CNTN5: variants seen among roughly 807,000 people sequenced by gnomAD.
CNTN5 encodes the protein contactin 5.
CNTN5 carries 77 observed loss-of-function variants against 129.1 expected under a neutral mutation model. That is an observed-to-expected ratio of 0.60 (90% CI 0.50 to 0.72). The LOEUF (loss-of-function observed/expected upper bound fraction) is 0.72, where lower values mean the gene tolerates loss of function less well. Among genes scored for constraint, CNTN5 ranks in the 30% least tolerant of loss-of-function variants. CNTN5 has a pLI of 0.00. For missense variants in CNTN5, 1,478 were observed against 1,328.8 expected (o/e 1.11, Z -1.75); for synonymous variants, 509 against 465.6 (o/e 1.09, Z -1.20).
chr11:100,336,835 TC>T, intron 21 of CNTN5: 1 of 441,090 alleles, frequency 2.3e-6, no homozygotes, highest in Non-Finnish European at 4.2e-6. Context: ...CCCGGCCTCT[TC>T]CCCAGAGAAT....
At chr11:99,531,753 C>A (rs1591230176) in intron 2 of CNTN5, among the ~76,000 whole-genome samples, 1 of 152,290 alleles carries the variant, frequency 6.6e-6, no homozygotes, top group South Asian at 2.1e-4. Flanking sequence ...GCAGTTTCCA[C>A]GTGGCATTGA....
chr11:100,234,390 A>C (rs2138659359), intron 16 of CNTN5, among the ~76,000 whole-genome samples: 1 of 152,326 alleles, frequency 6.6e-6, no homozygotes, highest in South Asian at 2.1e-4. Flanking sequence ...ACTTGGAACC[A>C]ACCCAAATGC....
At chr11:99,687,156 T>C (rs995609966) in intron 3 of CNTN5, among the ~76,000 whole-genome samples, 4 of 133,552 alleles carry the variant, frequency 3.0e-5, no homozygotes, top group African/African-American at 1.0e-4. Context: ...AATTCTTCAA[T>C]TGTTGTTTTG....
At chr11:100,038,900 G>A (rs1942202650) in intron 9 of CNTN5, among the ~76,000 whole-genome samples, 2 of 152,152 alleles carry the variant, frequency 1.3e-5, no homozygotes, top group Non-Finnish European at 2.9e-5. Context: ...ACAGCACACT[G>A]ATGGGTCTTG....
At chr11:100,289,870 C>T (rs1352704813) in intron 18 of CNTN5, among the ~76,000 whole-genome samples, 4 of 150,334 alleles carry the variant, frequency 2.7e-5, no homozygotes, top group Non-Finnish European at 5.9e-5. Context: ...CCCATTGTCT[C>T]AGCCCAAAAT....
chr11:99,282,054 G>T (rs1863722691), intron 1 of CNTN5, among the ~76,000 whole-genome samples: 1 of 151,918 alleles, frequency 6.6e-6, no homozygotes, highest in Non-Finnish European at 1.5e-5. Context: ...AACTACACAA[G>T]AATGATTCTG....
chr11:100,298,447 T>C (rs11223566), intron 19 of CNTN5, among the ~76,000 whole-genome samples: 130,160 of 151,090 alleles, frequency 0.86, 56,530 homozygotes, highest in East Asian at 1. Context: ...CGGGCTTTGT[T>C]TCTTTGCCAC....
In CNTN5 at chr11:99,356,188, A is replaced by ACCCC. The variant is rs11304657; in HGVS notation, c.-71+30710_-71+30713dup. ...TTACACTATATATAATGCCTTAACCACCCCCCCCCAACCAAGTTTTAGTGT... is the reference window on the plus strand; with the variant it reads ...TTACACTATATATAATGCCTTAACCACCCCCCCCCCCCCAACCAAGTTTTAGTGT... On this transcript the variant is annotated intron_variant, in intron 2 of 24. Transcript: ENST00000524871. Among the ~76,000 whole-genome samples, 15 of 146,820 alleles carry ACCCC rather than the reference A, an allele frequency of 1.0e-4. No individual in the cohort carries two copies. The South Asian group carries it at 3.0e-3, about 29-fold the overall frequency.
chr11:99,096,626 T>C (rs1481638977), intron 1 of CNTN5, among the ~76,000 whole-genome samples: 1 of 151,884 alleles, frequency 6.6e-6, no homozygotes, highest in Non-Finnish European at 1.5e-5. Flanking sequence ...TTCCAAGGTT[T>C]CAAGTCTGAC....
chr11:100,132,031 AGAG>A (rs1235335547), intron 13 of CNTN5, among the ~76,000 whole-genome samples: 2 of 152,094 alleles, frequency 1.3e-5, no homozygotes, highest in Non-Finnish European at 2.9e-5. Context: ...TTCATTTCCA[AGAG>A]GAGGCCTTGG....
intron 18 of CNTN5, among the ~76,000 whole-genome samples, chr11:100,288,282 C>T (rs1950850614): frequency 7.5e-6 from 1 of 132,658 alleles, no homozygotes; most frequent in Non-Finnish European, 1.6e-5. Flanking sequence ...CAGAACTCTC[C>T]ACCCCAAATC....
chr11:99,538,943 A>G (rs923517418), intron 2 of CNTN5, among the ~76,000 whole-genome samples: 3 of 152,120 alleles, frequency 2.0e-5, no homozygotes, highest in Admixed American at 6.6e-5. Context: ...ACTTGAAGAA[A>G]TATACTGTTT....
At chr11:100,195,066 C>T (rs1948601270) in intron 15 of CNTN5, among the ~76,000 whole-genome samples, 1 of 150,766 alleles carries the variant, frequency 6.6e-6, no homozygotes, top group Non-Finnish European at 1.5e-5. Flanking sequence ...TTTCCTTCTT[C>T]CTTTACCTTG....
At chr11:100,013,937 T>G (rs1046295030) in intron 9 of CNTN5, among the ~76,000 whole-genome samples, 1 of 152,218 alleles carries the variant, frequency 6.6e-6, no homozygotes, top group Admixed American at 6.5e-5. Flanking sequence ...TGAATCACTG[T>G]ACTTTGAACT....
intron 15 of CNTN5, among the ~76,000 whole-genome samples, chr11:100,212,991 A>G (rs1034810564): frequency 6.6e-6 from 1 of 152,150 alleles, no homozygotes; most frequent in African/African-American, 2.4e-5. Context: ...AAAAAATTCA[A>G]GTCAGAATTA....
At chr11:99,583,244 G>C (rs1020578534) in intron 3 of CNTN5, among the ~76,000 whole-genome samples, 14 of 152,326 alleles carry the variant, frequency 9.2e-5, no homozygotes, top group African/African-American at 3.1e-4. Flanking sequence ...AATTGGGGGT[G>C]CCTCCCAGTT....
At position 99,381,522 on chromosome 11, in the gene CNTN5, C is replaced by T. The variant is rs144121171; in HGVS notation, c.-71+56038C>T. Among the ~76,000 whole-genome samples, 314 of 152,284 alleles carry T rather than the reference C, an allele frequency of 2.1e-3. 4 individuals are homozygous for T. The highest frequency in any genetic ancestry group is 7.2e-3 in the African/African-American group (301 of 41,566). On this transcript the variant is annotated intron_variant, in intron 2 of 24. Coordinates refer to ENST00000524871, the MANE Select transcript of CNTN5 (RefSeq NM_014361.4). ...TATAAGCCATGTTAAGAAAAATGAA[C>T]TCCATCTTAAGAGCAATGGAGAAGA...
At chr11:100,027,771 G>A (rs1352859757) in intron 9 of CNTN5, among the ~76,000 whole-genome samples, 1 of 152,176 alleles carries the variant, frequency 6.6e-6, no homozygotes, top group Non-Finnish European at 1.5e-5. Context: ...ATGCTGTAGA[G>A]TGAAAACTTT....
chr11:100,043,848 AATTAGG>A (rs150338398), intron 9 of CNTN5, among the ~76,000 whole-genome samples: 10,950 of 152,078 alleles, frequency 0.072, 495 homozygotes, highest in East Asian at 0.19. Flanking sequence ...TTGTATTTCT[AATTAGG>A]TCATAAATTC....
Sources: allele counts gnomAD v4.1 joint callset (sites outside exome capture counted in the v4.1 genomes callset), GRCh38; gene constraint gnomAD v4.1.1; transcripts MANE v1.5; gene names NCBI Gene and HGNC (gene_info 2026-07-23, HGNC 2026-07-21).